PDE7B: variants seen among roughly 807,000 people sequenced by gnomAD.
PDE7B encodes the protein 3',5'-cyclic-AMP phosphodiesterase 7B.
In PDE7B, 29 loss-of-function variants were observed where a neutral mutation model predicts 56.2. That is an observed-to-expected ratio of 0.52 (90% CI 0.38 to 0.70). The LOEUF (loss-of-function observed/expected upper bound fraction) is 0.70. PDE7B is among the 30% of genes least tolerant of loss of function. PDE7B has a pLI of 0.00. For missense variants in PDE7B, 490 were observed against 565.0 expected (o/e 0.87, Z 1.35); for synonymous variants, 197 against 196.9 (o/e 1.00, Z 0.00).
chr6:136,091,122 T>C (rs981295586), intron 2 of PDE7B, among the ~76,000 whole-genome samples: 1 of 152,182 alleles, frequency 6.6e-6, no homozygotes, highest in African/African-American at 2.4e-5. Flanking sequence ...GTGGGTTCGG[T>C]TACAAAGTGA....
At chr6:136,088,712 A>G (rs1446832334) in intron 2 of PDE7B, among the ~76,000 whole-genome samples, 1 of 152,190 alleles carries the variant, frequency 6.6e-6, no homozygotes, top group Non-Finnish European at 1.5e-5. Flanking sequence ...TGAAAGGTAC[A>G]GGGTTCCTTT....
At chr6:135,901,675 A>G (rs914145853) in intron 1 of PDE7B, among the ~76,000 whole-genome samples, 3 of 152,178 alleles carry the variant, frequency 2.0e-5, no homozygotes, top group Non-Finnish European at 2.9e-5. Flanking sequence ...CTGTATGCAG[A>G]AGCACTTTAT....
chr6:136,021,306 C>T (rs890909496), intron 2 of PDE7B, among the ~76,000 whole-genome samples: 1 of 152,188 alleles, frequency 6.6e-6, no homozygotes, highest in Non-Finnish European at 1.5e-5. Context: ...TGCTCTTTTT[C>T]CTTCACATGC....
intron 2 of PDE7B, among the ~76,000 whole-genome samples, chr6:136,063,515 G>A (rs1282891527): frequency 1.3e-5 from 2 of 152,160 alleles, no homozygotes; most frequent in Admixed American, 1.3e-4. Flanking sequence ...TCCCCTACCT[G>A]TGTTCCCTGC....
chr6:135,898,216 A>G (rs1394330245), intron 1 of PDE7B, among the ~76,000 whole-genome samples: 1 of 152,202 alleles, frequency 6.6e-6, no homozygotes. Flanking sequence ...TAAAAACTAC[A>G]CTAATTGCAG....
intron 8 of PDE7B, among the ~76,000 whole-genome samples, chr6:136,168,890 G>A (rs948945225): frequency 2.0e-5 from 3 of 152,062 alleles, no homozygotes; most frequent in African/African-American, 7.2e-5. Context: ...TTTTTTTTGA[G>A]CAACAACTAT....
chr6:135,927,285 T>C (rs1420589618), intron 1 of PDE7B, among the ~76,000 whole-genome samples: 4 of 152,212 alleles, frequency 2.6e-5, no homozygotes, highest in Non-Finnish European at 5.9e-5. Flanking sequence ...TTGGTTACTG[T>C]AGCCTTGTAG....
intron 2 of PDE7B, among the ~76,000 whole-genome samples, chr6:135,973,178 A>T (rs950091138): frequency 2.0e-5 from 3 of 151,154 alleles, no homozygotes; most frequent in Non-Finnish European, 4.4e-5. Flanking sequence ...CTACTATTTG[A>T]TTCTATGAAT....
At chr6:136,017,917 C>A (rs1316593673) in intron 2 of PDE7B, among the ~76,000 whole-genome samples, 3 of 152,106 alleles carry the variant, frequency 2.0e-5, no homozygotes, top group Non-Finnish European at 4.4e-5. Flanking sequence ...TACACACATA[C>A]CCTAAGCATT....
rs1332519357 is a variant in PDE7B at position 136,181,459 on chromosome 6, T to C, written c.1045+136T>C. On this transcript the variant is annotated intron_variant, in intron 11 of 12. Coordinates refer to ENST00000308191, the MANE Select transcript of PDE7B (RefSeq NM_018945.4). ...TCTTGTTATCCTAACCTTTCTCTTT[T>C]ACTCTCTTGGAACTCATCCAACCCT... 5 of 643,904 alleles carry C rather than the reference T, an allele frequency of 7.8e-6. No individual in the cohort carries two copies. In the East Asian group the frequency reaches 1.0e-4, roughly 13 times the overall value. The allele number at this position is 643,904 out of a possible 1,614,324, so 39.9% of individuals were successfully genotyped here. A position where few individuals can be genotyped will look rare whatever the true frequency, so the allele number is the denominator to read the frequency against.
intron 2 of PDE7B, among the ~76,000 whole-genome samples, chr6:136,052,620 C>CT (rs908739384): frequency 7.1e-6 from 1 of 140,472 alleles, no homozygotes; most frequent in Non-Finnish European, 1.5e-5. Context: ...GGGTACAGCC[C>CT]CCCCCCACCC....
intron 1 of PDE7B, among the ~76,000 whole-genome samples, chr6:135,934,825 A>T (rs925264351): frequency 2.9e-5 from 2 of 68,900 alleles, no homozygotes; most frequent in African/African-American, 9.4e-5. Flanking sequence ...TATATATTTA[A>T]TAAATAAATA....
intron 1 of PDE7B, among the ~76,000 whole-genome samples, chr6:135,882,973 A>G (rs1163211033): frequency 6.6e-6 from 1 of 152,218 alleles, no homozygotes; most frequent in Non-Finnish European, 1.5e-5. Context: ...CATAAGGTAG[A>G]CATTGAAACA....
intron 1 of PDE7B, among the ~76,000 whole-genome samples, chr6:135,932,763 C>T (rs1171560956): frequency 2.0e-5 from 3 of 152,154 alleles, no homozygotes; most frequent in African/African-American, 7.2e-5. Flanking sequence ...GGATCCAAAG[C>T]CCACGTTCTC....
chr6:135,943,589 C>T (rs982071240), intron 1 of PDE7B, among the ~76,000 whole-genome samples: 1 of 152,210 alleles, frequency 6.6e-6, no homozygotes, highest in African/African-American at 2.4e-5. Flanking sequence ...GTGAGTGGTA[C>T]TGCCTGTGCC....
chr6:136,142,343 T>C (rs544008398), intron 3 of PDE7B, among the ~76,000 whole-genome samples: 3 of 152,218 alleles, frequency 2.0e-5, no homozygotes, highest in Non-Finnish European at 2.9e-5. Context: ...TTTCTGTTCT[T>C]TTACATTTGC....
At chr6:135,943,908 G>T (rs577487621) in intron 1 of PDE7B, among the ~76,000 whole-genome samples, 1 of 152,282 alleles carries the variant, frequency 6.6e-6, no homozygotes, top group Admixed American at 6.5e-5. Flanking sequence ...GTGCCAGCAG[G>T]ATCCCTCTGT....
At chr6:135,885,668 G>C (rs1015579002) in intron 1 of PDE7B, among the ~76,000 whole-genome samples, 2 of 152,150 alleles carry the variant, frequency 1.3e-5, no homozygotes, top group Non-Finnish European at 1.5e-5. Context: ...ACAAGCAAAA[G>C]TAAAGAGGTT....
intron 2 of PDE7B, among the ~76,000 whole-genome samples, chr6:136,021,135 T>C (rs1776062902): frequency 1.3e-5 from 2 of 152,212 alleles, no homozygotes; most frequent in African/African-American, 2.4e-5. Flanking sequence ...TCCAAATTCA[T>C]AACCAAGGAC....
Sources: gnomAD v4.1 joint callset for allele counts (sites outside exome capture counted in the v4.1 genomes callset) on GRCh38, gnomAD v4.1.1 for gene constraint, MANE v1.5 for transcripts, NCBI Gene and HGNC (gene_info 2026-07-23, HGNC 2026-07-21) for gene names.